Variants in AGO3 observed in about 807,000 individuals in gnomAD.
AGO3 encodes protein argonaute-3.
Under a neutral mutation model 105.5 loss-of-function variants are expected in AGO3, and 16 were observed. The ratio of observed to expected loss-of-function variants is 0.15; its 90% CI spans 0.10 to 0.23. The LOEUF is 0.23. AGO3 is among the 10% of genes least tolerant of loss of function. The pLI, the probability that AGO3 is intolerant of heterozygous loss-of-function variation, is 1.00. For synonymous variants in AGO3, 340 were observed against 367.3 expected (o/e 0.93, Z 0.85); for missense variants, 534 against 1,088.0 (o/e 0.49, Z 7.16).
At chr1:36,039,492 C>CAAAAA (rs1048314282) in intron 14 of AGO3, among the ~76,000 whole-genome samples, 3 of 55,632 alleles carry the variant, frequency 5.4e-5, no homozygotes, top group Admixed American at 1.6e-4. Context: ...GACTGCGTCT[C>CAAAAA]AAAAAAAAAA....
At chr1:36,021,057 C>T (rs1248186055) in intron 11 of AGO3, among the ~76,000 whole-genome samples, 2 of 152,022 alleles carry the variant, frequency 1.3e-5, no homozygotes, top group Non-Finnish European at 2.9e-5. Context: ...CTCAGCCTCT[C>T]GAGTAGCTGG....
At chr1:36,035,130 A>G (rs1386099937) in intron 13 of AGO3, among the ~76,000 whole-genome samples, 6 of 152,192 alleles carry the variant, frequency 3.9e-5, no homozygotes, top group African/African-American at 1.2e-4. Context: ...CTGTTTTTCC[A>G]TGCCATCTCT....
At chr1:36,021,532 T>C (rs931283885) in intron 11 of AGO3, among the ~76,000 whole-genome samples, 3 of 152,200 alleles carry the variant, frequency 2.0e-5, no homozygotes, top group African/African-American at 7.2e-5. Context: ...TATTTGACAC[T>C]GTTTCTCATG....
intron 17 of AGO3, among the ~76,000 whole-genome samples, chr1:36,047,877 C>T (rs1479909544): frequency 7.0e-6 from 1 of 142,056 alleles, no homozygotes; most frequent in Non-Finnish European, 1.5e-5. Context: ...GAGGCCCTGT[C>T]TCAAAAAAAA....
intron 12 of AGO3, among the ~76,000 whole-genome samples, chr1:36,032,593 A>G (rs992128794): frequency 4.6e-5 from 7 of 152,284 alleles, no homozygotes; most frequent in Admixed American, 3.9e-4. Flanking sequence ...TTTGTTGCCT[A>G]AGCTGGTCTC....
rs1640115274 is a variant in AGO3, at chr1:36,002,160, C to T, written c.659-2181C>T. Among the ~76,000 whole-genome samples the T allele has an allele frequency of 2.6e-5, 4 of 151,908 alleles. No individual in the cohort carries two copies. In the South Asian group the frequency reaches 8.3e-4, roughly 31 times the overall value. On this transcript the variant is annotated intron_variant, in intron 5 of 18. Transcript: ENST00000373191. ...TTAGCCTTCTGAGTAGCTGGGATTA[C>T]AGGCATGCGCCACCACACACAGCTA...
At chr1:35,979,698 G>A (rs1477642843) in intron 5 of AGO3, among the ~76,000 whole-genome samples, 5 of 151,698 alleles carry the variant, frequency 3.3e-5, no homozygotes, top group Admixed American at 2.6e-4. Flanking sequence ...ATCTGTTTTC[G>A]TTATGAATTA....
intron 5 of AGO3, among the ~76,000 whole-genome samples, chr1:35,992,687 T>C (rs1357376964): frequency 6.6e-6 from 1 of 152,254 alleles, no homozygotes; most frequent in Admixed American, 6.5e-5. Context: ...TGACATAGCA[T>C]ATACTTAATA....
chr1:36,032,539 G>T (rs934340024), intron 12 of AGO3, among the ~76,000 whole-genome samples: 2 of 151,860 alleles, frequency 1.3e-5, no homozygotes, highest in South Asian at 4.2e-4. Flanking sequence ...ATACCATCAT[G>T]CCTGGCTAAT....
intron 5 of AGO3, chr1:35,982,530 A>G (rs1347560019): frequency 6.3e-6 from 4 of 630,192 alleles, no homozygotes; most frequent in East Asian, 2.9e-5. Flanking sequence ...AAACAAATCA[A>G]TGAAATAGGA....
chr1:35,948,957 T>A (rs1646419314), intron 2 of AGO3, among the ~76,000 whole-genome samples: 1 of 152,052 alleles, frequency 6.6e-6, no homozygotes, highest in Non-Finnish European at 1.5e-5. Flanking sequence ...TTATTTATTT[T>A]TTTGAGATGG....
At chr1:35,989,857 G>A (rs1647449548) in intron 5 of AGO3, among the ~76,000 whole-genome samples, 1 of 151,698 alleles carries the variant, frequency 6.6e-6, no homozygotes, top group Admixed American at 6.6e-5. Context: ...CTGGGTGACA[G>A]AACAAGACCC....
chr1:35,955,905 T>G (rs1019456597), intron 2 of AGO3, among the ~76,000 whole-genome samples: 5 of 152,132 alleles, frequency 3.3e-5, no homozygotes, highest in African/African-American at 7.2e-5. Flanking sequence ...TTAACTCTTA[T>G]GTGTTGCAGA....
chr1:35,993,435 G>A (rs1483626447), intron 5 of AGO3, among the ~76,000 whole-genome samples: 1 of 151,986 alleles, frequency 6.6e-6, no homozygotes, highest in Non-Finnish European at 1.5e-5. Flanking sequence ...TGAAGTGAGG[G>A]TATCACTAAA....
At position 36,064,345 on chromosome 1, in the gene AGO3, A is replaced by T. The variant is rs150135544; in HGVS notation, c.*8600A>T. 0.047 allele frequency: 7,098 copies of T among 152,620 alleles called. 860 individuals carry two copies. Among genetic ancestry groups the T allele is most frequent in the East Asian group, 0.42 (2,180 of 5,156 alleles). The allele number at this position is 152,620 out of a possible 1,614,324, so 9.5% of individuals were successfully genotyped here. On this transcript the variant is annotated 3_prime_UTR_variant, in exon 19 of 19. Coordinates refer to ENST00000373191, the MANE Select transcript of AGO3 (RefSeq NM_024852.4). ...CAGTGAGCCAAGATCGCGCCATTGC[A>T]CTCCAGCCTGGGCAACAAGAGTGAA...
At chr1:36,024,741 T>C (rs1047066778) in intron 11 of AGO3, among the ~76,000 whole-genome samples, 6 of 152,162 alleles carry the variant, frequency 3.9e-5, no homozygotes, top group Admixed American at 6.5e-5. Flanking sequence ...TGGAGTGCAA[T>C]GGCGTGATCT....
intron 14 of AGO3, among the ~76,000 whole-genome samples, 154 bp from the exon 15 acceptor site, chr1:36,039,636 C>T (rs1642168289): frequency 6.6e-6 from 1 of 151,978 alleles, no homozygotes; most frequent in Non-Finnish European, 1.5e-5. Flanking sequence ...CACATGCCGT[C>T]ATACCCAACT....
At chr1:35,995,944 G>T (rs532707794) in intron 5 of AGO3, among the ~76,000 whole-genome samples, 1 of 152,064 alleles carries the variant, frequency 6.6e-6, no homozygotes, top group Non-Finnish European at 1.5e-5. Flanking sequence ...CTCCCAAAGT[G>T]CTGGGATTAC....
chr1:35,987,659 C>A (rs894898371), intron 5 of AGO3, among the ~76,000 whole-genome samples: 2 of 151,532 alleles, frequency 1.3e-5, no homozygotes, highest in African/African-American at 4.8e-5. Flanking sequence ...AATAAGGTGC[C>A]TGGGTTGGGA....
Sources: gnomAD v4.1 joint callset for allele counts (sites outside exome capture counted in the v4.1 genomes callset) on GRCh38, gnomAD v4.1.1 for gene constraint, MANE v1.5 for transcripts, NCBI Gene and HGNC (gene_info 2026-07-23, HGNC 2026-07-21) for gene names.